TFE3: variants seen among roughly 807,000 people sequenced by gnomAD.
TFE3 encodes the protein transcription factor binding to IGHM enhancer 3, also known as transcription factor E3.
TFE3 carries 5 observed loss-of-function variants against 35.0 expected under a neutral mutation model. The observed-to-expected ratio is 0.14, with a 90% confidence interval of 0.07 to 0.30. The LOEUF (loss-of-function observed/expected upper bound fraction) is 0.30, where lower values mean the gene tolerates loss of function less well. Among genes scored for constraint, TFE3 ranks in the 10% least tolerant of loss-of-function variants. The pLI, the probability that TFE3 is intolerant of heterozygous loss-of-function variation, is 1.00. For synonymous variants in TFE3, 211 were observed against 215.6 expected, an observed-to-expected ratio of 0.98 and a Z score of 0.18; for missense variants, 374 against 496.6, an observed-to-expected ratio of 0.75 and a Z score of 2.35.
chrX:49,032,059 T>G (rs2147768958), intron 8 of TFE3: 1 of 112,856 alleles, frequency 8.9e-6, no homozygotes, highest in African/African-American at 3.2e-5. Flanking sequence ...TCTTTATTCT[T>G]CTCATAACAC....
At chrX:49,037,064 G>T (rs1427170459) in intron 5 of TFE3, among the ~76,000 whole-genome samples, 1 of 112,064 alleles carries the variant, frequency 8.9e-6, no homozygotes, top group Non-Finnish European at 1.9e-5. Flanking sequence ...AGCACTTTGG[G>T]AGGCCAAGGC....
In TFE3 at chrX:49,040,176, A is replaced by T. The variant is rs192855348; in HGVS notation, c.230+279T>A. Reference sequence around the variant, plus strand: ...GCCACGCCCTATCTCTGAGCACTCCAGGCCGGCTGGAACACCTGAGGCTGA... The same window carrying T: ...GCCACGCCCTATCTCTGAGCACTCCTGGCCGGCTGGAACACCTGAGGCTGA... On this transcript the variant is annotated intron_variant, in intron 2 of 9. Transcript: ENST00000315869. Among the ~76,000 whole-genome samples the T allele has an allele frequency of 4.5e-5, 5 of 110,726 alleles. No homozygotes were observed. In the East Asian group the frequency reaches 8.6e-4, roughly 19 times the overall value.
chrX:49,041,962 G>A (rs938865840), intron 1 of TFE3, among the ~76,000 whole-genome samples: 7 of 110,904 alleles, frequency 6.3e-5, no homozygotes, highest in Non-Finnish European at 1.3e-4. Flanking sequence ...TTGGGAAGAG[G>A]AAGCTCGGGC....
chrX:49,043,319 A>G lies in TFE3; in HGVS notation c.-93T>C, dbSNP rs1818658102. The G allele has an allele frequency of 2.9e-6, 2 of 683,715 alleles. No homozygotes were observed. The highest frequency in any genetic ancestry group is 4.1e-6 in the Non-Finnish European group (2 of 487,907). 56.3% of individuals were successfully genotyped at this position (683,715 alleles called of 1,213,427 possible). A position where few individuals can be genotyped will look rare whatever the true frequency, so the allele number is the denominator to read the frequency against. On this transcript the variant is annotated 5_prime_UTR_variant, in exon 1 of 10. Coordinates refer to ENST00000315869, the MANE Select transcript of TFE3 (RefSeq NM_006521.6). ...GAGTCCCCCCTCCCCCCAGCTCGCC[A>G]CCGCCGCCTCCTCCGCTAAGCCATG...
chrX:49,031,328 C>T, intron 9 of TFE3, 69 bp downstream of exon 9: 2 of 1,102,363 alleles, frequency 1.8e-6, no homozygotes, highest in Non-Finnish European at 2.4e-6. Context: ...CCCTGGCCTG[C>T]TCTCTCTCTG....
At chrX:49,033,656 T>C (rs1249707423) in intron 7 of TFE3, 70 bp downstream of exon 7, 5 of 1,188,728 alleles carry the variant, frequency 4.2e-6, no homozygotes. Context: ...GAGTTCCCCA[T>C]GGGGGGCCAG....
At chrX:49,036,309 A>G (rs1313295614) in intron 5 of TFE3, among the ~76,000 whole-genome samples, 1 of 108,092 alleles carries the variant, frequency 9.3e-6, no homozygotes, top group Admixed American at 1.0e-4. Context: ...CTCTACTAAA[A>G]TACAAAAATT....
rs2064739937 is a variant in TFE3 at position 49,038,055 on chromosome X, G to T, written c.840C>A (p.Leu280=). Residue 280 remains leucine, a synonymous_variant, in exon 5 of 10, where the codon CTC becomes CTA. Transcript: ENST00000315869. Reference sequence around the variant, plus strand: ...CTGTGGTGCCTCCGGGCAGATAGCTGAGCATTTCATCATTGTAACTGGACT... The same window carrying T: ...CTGTGGTGCCTCCGGGCAGATAGCTTAGCATTTCATCATTGTAACTGGACT... ...SLESSYNDEM[L]SYLPGGTTGL... is the part of the protein sequence containing the mutation. The T allele has an allele frequency of 5.8e-6, 7 of 1,207,071 alleles. No homozygotes were observed. The highest frequency in any genetic ancestry group is 7.8e-6 in the Non-Finnish European group (7 of 893,035).
chrX:49,039,617 G>C, intron 2 of TFE3: 1 of 382,857 alleles, frequency 2.6e-6, no homozygotes, highest in East Asian at 4.4e-5. Flanking sequence ...CTGGAGGTCA[G>C]TCTGGTGGGG....
Position 49,028,927 on chromosome X carries a change from A to T in TFE3, c.*1231T>A, listed in dbSNP as rs782467109. 5.0e-4 allele frequency: 85 copies of T among 171,605 alleles called. No individual in the cohort carries two copies. In the East Asian group the frequency reaches 6.7e-3, roughly 14 times the overall value. 14.1% of individuals were successfully genotyped at this position (171,605 alleles called of 1,213,427 possible). A position where few individuals can be genotyped will look rare whatever the true frequency, so the allele number is the denominator to read the frequency against. On this transcript the variant is annotated 3_prime_UTR_variant, in exon 10 of 10. Coordinates refer to ENST00000315869, the MANE Select transcript of TFE3 (RefSeq NM_006521.6). ...AATGGGGTGATTCCTCCAAATGAAG[A>T]ACTGGGTGGGGAACAGAGGTTGGGG...
At chrX:49,034,292 ACC>A (rs113854587) in intron 5 of TFE3, 41 bp from the exon 6 acceptor site, 214 of 983,950 alleles carry the variant, frequency 2.2e-4, no homozygotes, top group Non-Finnish European at 2.8e-4. Context: ...TTGGGAACAA[ACC>A]CCAGGCTTGG....
chrX:49,035,413 TTTTTTTTTTTG>T (rs2048037271), intron 5 of TFE3, among the ~76,000 whole-genome samples: 1 of 8,970 alleles, frequency 1.1e-4, no homozygotes, highest in Admixed American at 2.4e-3. Context: ...TTTTTTTTTT[TTTTTTTTTTTG>T]GAGACGGAGT....
chrX:49,042,259 G>C (rs1557075860), intron 1 of TFE3, among the ~76,000 whole-genome samples: 3 of 111,456 alleles, frequency 2.7e-5, no homozygotes, highest in Non-Finnish European at 3.8e-5. Context: ...AAGGGGTGTG[G>C]GGCTAGGGAG....
chrX:49,037,643 G>C (rs1557074974), intron 5 of TFE3: 1 of 127,697 alleles, frequency 7.8e-6, no homozygotes, highest in Non-Finnish European at 1.5e-5. Context: ...AGGTTGCAGT[G>C]AGCTGAGACC....
intron 5 of TFE3, among the ~76,000 whole-genome samples, chrX:49,034,495 C>A (rs782074238): frequency 5.4e-5 from 6 of 111,921 alleles, no homozygotes; most frequent in African/African-American, 1.9e-4. Context: ...GCCTGCCTGG[C>A]CTGCTTATCA....
At chrX:49,032,251 G>T (rs1410691742) in intron 8 of TFE3, among the ~76,000 whole-genome samples, 4 of 110,977 alleles carry the variant, frequency 3.6e-5, no homozygotes, top group African/African-American at 9.8e-5. Context: ...GCGGGGCGGT[G>T]GGGGATGGAG....
intron 1 of TFE3, 64 bp from the exon 2 acceptor site, chrX:49,040,632 T>C: frequency 8.6e-6 from 7 of 813,202 alleles, no homozygotes; most frequent in Non-Finnish European, 1.3e-5. Context: ...AGCCCTCCCC[T>C]GAGACAGAGA....
Position 49,030,354 on chromosome X carries a change from C to T in TFE3, c.1532G>A (p.Gly511Glu). Residue 511 changes from glycine to glutamate, a missense_variant, in exon 10 of 10, where the codon GGG (glycine) becomes GAG (glutamate). This residue lies in a region of TFE3 where 117 missense variants were observed against 111.9 expected (regional missense o/e 1.05). Coordinates refer to ENST00000315869, the MANE Select transcript of TFE3 (RefSeq NM_006521.6). ...CAGGTGGAAGGGGTCTCCCAGGTCC[C>T]CCAGGTGGTCGCTGGGAAAGTGCAG... is the stretch of plus-strand genomic sequence containing the variant. ...LDLHFPSDHLGDLGDPFHLGL... is the reference protein window; with the variant it reads ...LDLHFPSDHLEDLGDPFHLGL... 8.3e-7 allele frequency: 1 copy of T among 1,210,515 alleles called. No homozygotes were observed. Among genetic ancestry groups the T allele is most frequent in the Non-Finnish European group, 1.1e-6 (1 of 895,085 alleles).
In TFE3 at chrX:49,030,362, G is replaced by T; in HGVS notation, c.1524C>A (p.Asp508Glu). 1 of 1,210,398 alleles carries T rather than the reference G, an allele frequency of 8.3e-7. No homozygotes were observed. Among genetic ancestry groups the T allele is most frequent in the Admixed American group, 2.2e-5 (1 of 45,895 alleles). Residue 508 changes from aspartate to glutamate, a missense_variant, in exon 10 of 10, where the codon GAC (aspartate) becomes GAA (glutamate). This residue lies in a region of TFE3 where 117 missense variants were observed against 111.9 expected (regional missense o/e 1.05). Transcript: ENST00000315869. ...AGGGGTCTCCCAGGTCCCCCAGGTG[G>T]TCGCTGGGAAAGTGCAGGTCCAGAA... ...DALLDLHFPS[D>E]HLGDLGDPFH...
Sources: gnomAD v4.1 joint callset for allele counts (sites outside exome capture counted in the v4.1 genomes callset) on GRCh38, gnomAD v4.1.1 for gene constraint, gnomAD v4.1.1 regional missense constraint, MANE v1.5 for transcripts, NCBI Gene and HGNC (gene_info 2026-07-23, HGNC 2026-07-21) for gene names.